The following ERO1B variants were observed in gnomAD, a reference collection of about 807,000 sequenced individuals.
The protein encoded by ERO1B is ERO1-like protein beta.
ERO1B carries 49 observed loss-of-function variants against 75.3 expected under a neutral mutation model. The observed-to-expected ratio is 0.65, with a 90% CI of 0.52 to 0.83. The LOEUF (loss-of-function observed/expected upper bound fraction) is 0.83, where lower values mean the gene tolerates loss of function less well. Ranked by LOEUF, ERO1B falls within the 40% of genes least tolerant of loss-of-function variation. The pLI is 0.00. For missense variants in ERO1B, 512 were observed against 560.1 expected, an observed-to-expected ratio of 0.91 and a Z score of 0.87; for synonymous variants, 191 against 192.9, an observed-to-expected ratio of 0.99 and a Z score of 0.08.
At chr1:236,233,541 T>G (rs142568925) in intron 8 of ERO1B, among the ~76,000 whole-genome samples, 2,182 of 150,056 alleles carry the variant, frequency 0.015, 36 homozygotes, top group African/African-American at 0.049. Context: ...GAGGTTGCAG[T>G]GAGCCGAGAT....
chr1:236,247,763 T>G (rs1386421192), intron 5 of ERO1B, among the ~76,000 whole-genome samples: 1 of 152,218 alleles, frequency 6.6e-6, no homozygotes, highest in Non-Finnish European at 1.5e-5. Context: ...CCTTGATGAC[T>G]GTGCTGCAGT....
At chr1:236,254,854 C>A (rs1665122486) in intron 2 of ERO1B, among the ~76,000 whole-genome samples, 1 of 151,968 alleles carries the variant, frequency 6.6e-6, no homozygotes, top group African/African-American at 2.4e-5. Context: ...CTCAGGTGAC[C>A]CGCCTGCCTT....
intron 8 of ERO1B, among the ~76,000 whole-genome samples, chr1:236,235,047 T>C (rs534978915): frequency 2.8e-4 from 43 of 152,378 alleles, no homozygotes; most frequent in African/African-American, 9.1e-4. Context: ...TTTAACAATA[T>C]AGTTTTTACA....
chr1:236,227,818 T>C (rs969739056), intron 10 of ERO1B, among the ~76,000 whole-genome samples: 1 of 152,210 alleles, frequency 6.6e-6, no homozygotes, highest in African/African-American at 2.4e-5. Flanking sequence ...AATAATTCTT[T>C]TGAGTTCTCG....
chr1:236,232,648 A>C (rs1037153737), intron 9 of ERO1B, among the ~76,000 whole-genome samples, 180 bp downstream of exon 9: 9 of 149,422 alleles, frequency 6.0e-5, no homozygotes, highest in Non-Finnish European at 1.3e-4. Flanking sequence ...TTTTTTTTTA[A>C]CATAGGATAA....
chr1:236,273,810 G>GAAAAAAAAAAAA (rs71176476), intron 1 of ERO1B, among the ~76,000 whole-genome samples: 1 of 102,732 alleles, frequency 9.7e-6, no homozygotes, highest in Non-Finnish European at 2.1e-5. Context: ...TGTCTCAAAA[G>GAAAAAAAAAAAA]AAAAAAAAAA....
At chr1:236,272,214 AC>A (rs1352560978) in intron 1 of ERO1B, among the ~76,000 whole-genome samples, 12 of 152,172 alleles carry the variant, frequency 7.9e-5, no homozygotes, top group African/African-American at 2.7e-4. Context: ...GCATCTATCT[AC>A]CCAAAGGAAA....
intron 5 of ERO1B, among the ~76,000 whole-genome samples, chr1:236,247,829 A>G (rs1025203934): frequency 6.6e-6 from 1 of 152,146 alleles, no homozygotes; most frequent in African/African-American, 2.4e-5. Flanking sequence ...GGGGTTTTCA[A>G]CTAACATTTA....
At chr1:236,260,154 A>C (rs1363312155) in intron 2 of ERO1B, among the ~76,000 whole-genome samples, 2 of 152,184 alleles carry the variant, frequency 1.3e-5, no homozygotes, top group African/African-American at 2.4e-5. Context: ...AGATGCCAAC[A>C]AAATCAGAAT....
intron 2 of ERO1B, among the ~76,000 whole-genome samples, chr1:236,268,276 C>T (rs1353337937): frequency 2.0e-5 from 3 of 152,086 alleles, no homozygotes; most frequent in Non-Finnish European, 4.4e-5. Context: ...CTCGTCTCTA[C>T]TAAAAATACA....
At position 236,221,666 on chromosome 1, in the gene ERO1B, C is replaced by T. The variant is rs559435908; in HGVS notation, c.1209+258G>A. ...CGGTTCGTAATGACCACCAACTTCA[C>T]AAATGAATCTGGTATTGTATCAATA... On this transcript the variant is annotated intron_variant, in intron 14 of 15. Transcript: ENST00000354619. 2.0e-5 allele frequency: 7 copies of T among 343,824 alleles called. No homozygotes were observed. In the South Asian group the frequency reaches 3.2e-4, roughly 16 times the overall value. The allele number at this position is 343,824 out of a possible 1,614,324, so 21.3% of individuals were successfully genotyped here.
intron 6 of ERO1B, among the ~76,000 whole-genome samples, chr1:236,239,789 GTA>G (rs67985500): frequency 0.18 from 17,357 of 95,556 alleles, 3,713 homozygotes; most frequent in Non-Finnish European, 0.27. Flanking sequence ...TCCTCTTCAA[GTA>G]TATATATATA....
chr1:236,251,914 G>T lies in ERO1B; in HGVS notation c.348+136C>A, dbSNP rs376489959. 30 of 645,210 alleles carry T rather than the reference G, an allele frequency of 4.6e-5. No individual in the cohort carries two copies. In the South Asian group the frequency reaches 6.1e-4, roughly 13 times the overall value. The allele number at this position is 645,210 out of a possible 1,614,324, so 40.0% of individuals were successfully genotyped here. ...CTATCTGCTTGACGCAAGAGTTAGGGATTTGGAATTCTGAGGCAAAATGTC... is the reference window on the plus strand; with the variant it reads ...CTATCTGCTTGACGCAAGAGTTAGGTATTTGGAATTCTGAGGCAAAATGTC... On this transcript the variant is annotated intron_variant, in intron 4 of 15. Coordinates refer to ENST00000354619, the MANE Select transcript of ERO1B (RefSeq NM_019891.4).
chr1:236,230,129 G>C, intron 10 of ERO1B, 95 bp downstream of exon 10: 1 of 888,304 alleles, frequency 1.1e-6, no homozygotes, highest in African/African-American at 1.8e-5. Flanking sequence ...AAAATTAGTT[G>C]ACTAGGTAAT....
intron 4 of ERO1B, among the ~76,000 whole-genome samples, chr1:236,250,518 G>T (rs1480885949): frequency 6.0e-5 from 8 of 133,106 alleles, no homozygotes; most frequent in African/African-American, 2.2e-4. Flanking sequence ...AATTAGCACT[G>T]ATGTGTTGGT....
At position 236,230,611 on chromosome 1, in the gene ERO1B, CAAA is replaced by C. The variant is rs397983348; in HGVS notation, c.686-364_686-362del. Among the ~76,000 whole-genome samples, 546 of 58,536 alleles carry C rather than the reference CAAA, an allele frequency of 9.3e-3. 3 individuals carry two copies. The highest frequency in any genetic ancestry group is 0.025 in the African/African-American group (395 of 15,782). 38.4% of individuals were successfully genotyped at this position (58,536 alleles called of 152,430 possible). A position where few individuals can be genotyped will look rare whatever the true frequency, so the allele number is the denominator to read the frequency against. On this transcript the variant is annotated intron_variant, in intron 9 of 15. Transcript: ENST00000354619. ...TGGGTGACAGAGTGAGACCCTGTCT[CAAA>C]AAAAAAAAAAAAAAAAAAAAAAATT...
chr1:236,280,105 T>C lies in ERO1B; in HGVS notation c.102+1577A>G, dbSNP rs1665797030. On this transcript the variant is annotated intron_variant, in intron 1 of 15. Transcript: ENST00000354619. ...GGAGTTGAAGATCAGCCTAATAACA[T>C]AGTCCCCATCTCTACACAAGAATTT... Among the ~76,000 whole-genome samples the C allele has an allele frequency of 2.0e-5, 3 of 152,002 alleles. No individual in the cohort carries two copies. The South Asian group carries it at 6.2e-4, about 32-fold the overall frequency.
At chr1:236,278,468 G>A (rs1412748923) in intron 1 of ERO1B, among the ~76,000 whole-genome samples, 2 of 151,954 alleles carry the variant, frequency 1.3e-5, no homozygotes, top group Non-Finnish European at 2.9e-5. Flanking sequence ...GGGCAGACAC[G>A]GGGTTATTTC....
At chr1:236,273,600 G>T (rs942478591) in intron 1 of ERO1B, among the ~76,000 whole-genome samples, 5 of 151,960 alleles carry the variant, frequency 3.3e-5, no homozygotes, top group African/African-American at 1.2e-4. Context: ...GGACACAGGA[G>T]AATTGAGTCC....
Sources: allele counts gnomAD v4.1 joint callset (sites outside exome capture counted in the v4.1 genomes callset), GRCh38; gene constraint gnomAD v4.1.1; transcripts MANE v1.5; gene names NCBI Gene and HGNC (gene_info 2026-07-23, HGNC 2026-07-21).